Variants in RBIS observed in about 807,000 individuals in gnomAD.
The protein encoded by RBIS is ribosome biogenesis factor identified in screen.
Under a neutral mutation model 9.8 loss-of-function variants are expected in RBIS, and 9 were observed. The ratio of observed to expected loss-of-function variants is 0.92; its 90% confidence interval spans 0.56 to 1.61. RBIS has a LOEUF of 1.61. Ranked by LOEUF, RBIS falls within the 40% of genes most tolerant of loss-of-function variation. The pLI, the probability that RBIS is intolerant of heterozygous loss-of-function variation, is 0.00. For missense variants in RBIS, 103 were observed against 116.0 expected (o/e 0.89, Z 0.51); for synonymous variants, 35 against 37.9 (o/e 0.92, Z 0.28).
In RBIS at chr8:85,214,548, A is replaced by C; in HGVS notation, c.*12T>G. The C allele has an allele frequency of 6.7e-7, 1 of 1,493,032 alleles. No individual in the cohort carries two copies. Among genetic ancestry groups the C allele is most frequent in the East Asian group, 2.3e-5 (1 of 44,246 alleles). 92.5% of individuals were successfully genotyped at this position (1,493,032 alleles called of 1,614,324 possible). Reference sequence around the variant, plus strand: ...TTGGTCTTTGTGGAGAATTAGATGCATCACCAGTATATTACAACAGAGCCA... The same window carrying C: ...TTGGTCTTTGTGGAGAATTAGATGCCTCACCAGTATATTACAACAGAGCCA... On this transcript the variant is annotated 3_prime_UTR_variant, in exon 4 of 4. Transcript: ENST00000619594.
At chr8:85,219,241 C>G (rs1813269399) in intron 1 of RBIS, 1 of 152,246 alleles carries the variant, frequency 6.6e-6, no homozygotes, top group Non-Finnish European at 1.5e-5. Flanking sequence ...TTTACCTTTG[C>G]TCAGTCGTAG....
intron 1 of RBIS, chr8:85,219,297 T>A (rs961855128): frequency 1.3e-5 from 2 of 152,246 alleles, no homozygotes; most frequent in African/African-American, 2.4e-5. Context: ...CTTACTACAT[T>A]GTAAGTAATT....
intron 1 of RBIS, chr8:85,219,170 C>T (rs1813265976): frequency 6.6e-6 from 1 of 152,260 alleles, no homozygotes; most frequent in Admixed American, 6.5e-5. Context: ...CCTATAAACA[C>T]TGCTCTAGCC....
In RBIS at chr8:85,220,311, G is replaced by A. The variant is rs1358263399; in HGVS notation, c.-9C>T. 6.6e-6 allele frequency: 1 copy of A among 152,262 alleles called. No individual in the cohort carries two copies. The highest frequency in any genetic ancestry group is 1.9e-4 in the East Asian group (1 of 5,196). The allele number at this position is 152,262 out of a possible 1,614,324, so 9.4% of individuals were successfully genotyped here. On this transcript the variant is annotated 5_prime_UTR_variant, in exon 1 of 4. Transcript: ENST00000619594. ...TTAATTTATTAAACTCTCACCAGAA[G>A]TTTAACACTTGCGTGCAGCTTTTTA... is the stretch of plus-strand genomic sequence containing the variant.
chr8:85,215,723 C>T (rs937962365), intron 2 of RBIS: 4 of 152,246 alleles, frequency 2.6e-5, no homozygotes, highest in African/African-American at 7.2e-5. Flanking sequence ...ACGCATCTGT[C>T]CCCTTTGTAA....
intron 2 of RBIS, 82 bp downstream of exon 2, chr8:85,217,304 G>T (rs1377244534): frequency 1.2e-6 from 1 of 830,126 alleles, no homozygotes; most frequent in Admixed American, 1.8e-5. Context: ...TTTTTAAAAA[G>T]TAATAGTATA....
rs772972762 is a variant in RBIS at position 85,217,483 on chromosome 8, A to C, written c.17T>G (p.Leu6Ter). Residue 6 changes from leucine (L) to a stop codon, truncating the protein, a stop_gained, in exon 2 of 4, where the codon TTA (leucine) becomes TGA (stop). Transcript: ENST00000619594. LOFTEE classifies it high-confidence loss of function. MAKNK[L>*]RGPKSRNVFH... ...TACATTCCTGGACTTCGGCCCTCTTAATTTGTTCTTGGCCATTGTCTAGAA... is the reference window on the plus strand; with the variant it reads ...TACATTCCTGGACTTCGGCCCTCTTCATTTGTTCTTGGCCATTGTCTAGAA... The C allele has an allele frequency of 1.1e-5, 17 of 1,610,424 alleles. No homozygotes were observed. The highest frequency in any genetic ancestry group is 1.3e-5 in the Non-Finnish European group (15 of 1,178,214).
intron 1 of RBIS, among the ~76,000 whole-genome samples, chr8:85,219,887 G>C (rs1309336622): frequency 6.6e-6 from 1 of 151,952 alleles, no homozygotes; most frequent in Non-Finnish European, 1.5e-5. Flanking sequence ...AATAATGACA[G>C]TATATATACG....
intron 1 of RBIS, among the ~76,000 whole-genome samples, chr8:85,220,044 G>C (rs983578952): frequency 3.9e-5 from 6 of 152,128 alleles, no homozygotes; most frequent in African/African-American, 1.4e-4. Flanking sequence ...CACTAGTGGG[G>C]GTGTGCGAGT....
rs1400008515 is a variant in RBIS at position 85,214,156 on chromosome 8, TAAG to T, written c.*401_*403del. 1.9e-6 allele frequency: 1 copy of T among 538,810 alleles called. No individual in the cohort carries two copies. The highest frequency in any genetic ancestry group is 3.5e-6 in the Non-Finnish European group (1 of 282,936). The allele number at this position is 538,810 out of a possible 1,614,324, so 33.4% of individuals were successfully genotyped here. On this transcript the variant is annotated 3_prime_UTR_variant, in exon 4 of 4. Transcript: ENST00000619594. ...TGTGAATCCTTCTGTTTTTTCTTCT[TAAG>T]GAGGAAAGTTAAAGGACACTACAGG...
Position 85,214,541 on chromosome 8 carries a change from T to C in RBIS, c.*19A>G. 6.8e-7 allele frequency: 1 copy of C among 1,461,000 alleles called. No individual in the cohort carries two copies. The highest frequency in any genetic ancestry group is 9.5e-7 in the Non-Finnish European group (1 of 1,047,678). 90.5% of individuals were successfully genotyped at this position (1,461,000 alleles called of 1,614,324 possible). A position where few individuals can be genotyped will look rare whatever the true frequency, so the allele number is the denominator to read the frequency against. On this transcript the variant is annotated 3_prime_UTR_variant, in exon 4 of 4. Coordinates refer to ENST00000619594, the MANE Select transcript of RBIS (RefSeq NM_001099673.3). ...CAATTTATTGGTCTTTGTGGAGAATTAGATGCATCACCAGTATATTACAAC... is the reference window on the plus strand; with the variant it reads ...CAATTTATTGGTCTTTGTGGAGAATCAGATGCATCACCAGTATATTACAAC...
chr8:85,219,561 C>T (rs1045686044), intron 1 of RBIS, among the ~76,000 whole-genome samples: 1 of 151,858 alleles, frequency 6.6e-6, no homozygotes, highest in African/African-American at 2.4e-5. Context: ...ACCACCCTGG[C>T]CAACATGATG....
intron 3 of RBIS, 38 bp downstream of exon 3, chr8:85,214,883 T>C (rs1364215394): frequency 6.3e-6 from 7 of 1,116,492 alleles, no homozygotes; most frequent in Non-Finnish European, 7.9e-6. Context: ...TAGCCTCAAT[T>C]TGTTAGCCAT....
At position 85,214,409 on chromosome 8, in the gene RBIS, C is replaced by A. The variant is rs1813045655; in HGVS notation, c.*151G>T. 1 of 643,636 alleles carries A rather than the reference C, an allele frequency of 1.6e-6. No individual in the cohort carries two copies. The highest frequency in any genetic ancestry group is 2.8e-5 in the East Asian group (1 of 35,882). 39.9% of individuals were successfully genotyped at this position (643,636 alleles called of 1,614,324 possible). On this transcript the variant is annotated 3_prime_UTR_variant, in exon 4 of 4. Coordinates refer to ENST00000619594, the MANE Select transcript of RBIS (RefSeq NM_001099673.3). ...TCACATTTTGTTGACTTCTGACATTCCACTTTCCTAGGTTATAGGAAAGAT... is the reference window on the plus strand; with the variant it reads ...TCACATTTTGTTGACTTCTGACATTACACTTTCCTAGGTTATAGGAAAGAT...
Position 85,214,545 on chromosome 8 carries a change from T to C in RBIS, c.*15A>G. 1 of 1,476,922 alleles carries C rather than the reference T, an allele frequency of 6.8e-7. No homozygotes were observed. Among genetic ancestry groups the C allele is most frequent in the Non-Finnish European group, 9.4e-7 (1 of 1,061,830 alleles). The allele number at this position is 1,476,922 out of a possible 1,614,324, so 91.5% of individuals were successfully genotyped here. ...TTATTGGTCTTTGTGGAGAATTAGA[T>C]GCATCACCAGTATATTACAACAGAG... On this transcript the variant is annotated 3_prime_UTR_variant, in exon 4 of 4. Transcript: ENST00000619594.
chr8:85,217,031 G>T, intron 2 of RBIS: 1 of 370,304 alleles, frequency 2.7e-6, no homozygotes, highest in East Asian at 4.3e-5. Flanking sequence ...GGTGCTCACT[G>T]ACATCCCATG....
intron 3 of RBIS, 117 bp from the exon 4 acceptor site, chr8:85,214,748 G>A (rs1813066863): frequency 1.2e-6 from 1 of 801,950 alleles, no homozygotes; most frequent in Middle Eastern, 2.5e-4. Flanking sequence ...AGAACAATCT[G>A]TATATTCTGA....
chr8:85,217,220 TCTTC>T (rs1252626619), intron 2 of RBIS, 162 bp downstream of exon 2: 1 of 665,952 alleles, frequency 1.5e-6, no homozygotes, highest in African/African-American at 1.8e-5. Flanking sequence ...AGGTTATTTT[TCTTC>T]CTTTTTTTTT....
intron 1 of RBIS, 47 bp from the exon 2 acceptor site, chr8:85,217,549 G>GT: frequency 8.3e-7 from 1 of 1,208,064 alleles, no homozygotes; most frequent in Non-Finnish European, 1.2e-6. Context: ...TTTATGAACC[G>GT]TAAGTCAATT....
Sources: gnomAD v4.1 joint callset for allele counts (sites outside exome capture counted in the v4.1 genomes callset) on GRCh38, gnomAD v4.1.1 for gene constraint, MANE v1.5 for transcripts, NCBI Gene and HGNC (gene_info 2026-07-23, HGNC 2026-07-21) for gene names.